Variants in LIPC observed in about 807,000 individuals in gnomAD.
LIPC encodes the protein lipase C, hepatic type.
LIPC carries 44 observed loss-of-function variants against 50.7 expected under a neutral mutation model. The ratio of observed to expected loss-of-function variants is 0.87; its 90% CI spans 0.68 to 1.11. LIPC has a LOEUF of 1.11. Among genes scored for constraint, LIPC ranks in the 50% most tolerant of loss-of-function variants. The pLI is 0.00. For missense variants in LIPC, 697 were observed against 648.2 expected (o/e 1.08, Z -0.82); for synonymous variants, 271 against 256.4 (o/e 1.06, Z -0.54).
chr15:58,490,751 C>T (rs1376994402), intron 1 of LIPC, among the ~76,000 whole-genome samples: 2 of 152,204 alleles, frequency 1.3e-5, no homozygotes, highest in Non-Finnish European at 1.5e-5. Flanking sequence ...TGATTTGTCT[C>T]CCAGGCGACA....
At chr15:58,454,649 G>C (rs1289179177) in intron 1 of LIPC, 2 of 152,272 alleles carry the variant, frequency 1.3e-5, no homozygotes, top group Non-Finnish European at 2.9e-5. Flanking sequence ...AACAGGTGGG[G>C]TTGGGGCCTC....
intron 8 of LIPC, chr15:58,565,304 C>G (rs1315662719): frequency 6.5e-6 from 10 of 1,535,372 alleles, no homozygotes; most frequent in Non-Finnish European, 7.8e-6. Context: ...TGCCCAGATG[C>G]TCTTAGCTGG....
intron 1 of LIPC, among the ~76,000 whole-genome samples, chr15:58,446,677 T>C (rs923045261): frequency 2.6e-5 from 4 of 152,080 alleles, no homozygotes; most frequent in African/African-American, 4.8e-5. Flanking sequence ...CCCAGCTATC[T>C]GCTTGCACAC....
intron 1 of LIPC, among the ~76,000 whole-genome samples, chr15:58,520,112 G>GTT (rs10631480): frequency 0.026 from 3,182 of 123,352 alleles, 231 homozygotes; most frequent in African/African-American, 0.085. Flanking sequence ...GTTTTGGGCT[G>GTT]TTTTTTTTTT....
chr15:58,541,110 A>G (rs1301498851), intron 2 of LIPC, among the ~76,000 whole-genome samples: 1 of 151,926 alleles, frequency 6.6e-6, no homozygotes, highest in Non-Finnish European at 1.5e-5. Context: ...CCCCACCCAT[A>G]TTCGTCTTAC....
At chr15:58,482,648 C>G (rs565031092) in intron 1 of LIPC, among the ~76,000 whole-genome samples, 32 of 152,322 alleles carry the variant, frequency 2.1e-4, no homozygotes, top group Non-Finnish European at 4.3e-4. Context: ...CCTCACTGAG[C>G]AGTGTTCCTG....
intron 1 of LIPC, among the ~76,000 whole-genome samples, chr15:58,527,384 T>G (rs1242465018): frequency 6.6e-6 from 1 of 152,200 alleles, no homozygotes; most frequent in Non-Finnish European, 1.5e-5. Context: ...ACAGGGTGCA[T>G]GCTGCAGCCA....
chr15:58,487,076 G>T (rs972577836), intron 1 of LIPC, among the ~76,000 whole-genome samples: 1 of 152,164 alleles, frequency 6.6e-6, no homozygotes, highest in Non-Finnish European at 1.5e-5. Context: ...CATGCAACCT[G>T]GTCCCTAAAC....
chr15:58,535,138 C>T (rs1476571501), intron 1 of LIPC, among the ~76,000 whole-genome samples: 2 of 152,200 alleles, frequency 1.3e-5, no homozygotes, highest in Admixed American at 6.5e-5. Context: ...TTCTCTCGAC[C>T]TCTTCCCTAA....
rs548575598 is a variant in LIPC, at chr15:58,458,186, G to A, written c.88+26066G>A. Among the ~76,000 whole-genome samples the A allele has an allele frequency of 2.7e-5, 4 of 150,192 alleles. No homozygotes were observed. The East Asian group carries it at 5.8e-4, about 22-fold the overall frequency. On this transcript the variant is annotated intron_variant, in intron 1 of 8. Transcript: ENST00000299022. ...AAATTGCTGGAGAAAAAAAAAAAATGTAAGTCCATATATTCTGTACTGTGT... is the reference window on the plus strand; with the variant it reads ...AAATTGCTGGAGAAAAAAAAAAAATATAAGTCCATATATTCTGTACTGTGT...
At chr15:58,457,201 C>A (rs761498995) in intron 1 of LIPC, among the ~76,000 whole-genome samples, 2 of 152,202 alleles carry the variant, frequency 1.3e-5, no homozygotes, top group East Asian at 3.9e-4. Context: ...CCTCCACCTC[C>A]CGGGTTCAAG....
intron 1 of LIPC, among the ~76,000 whole-genome samples, chr15:58,463,634 T>C (rs532848138): frequency 3.7e-4 from 56 of 152,296 alleles, no homozygotes; most frequent in African/African-American, 1.0e-3. Flanking sequence ...CATCAGGTCT[T>C]TTCTGTGTCC....
Position 58,560,776 on chromosome 15 carries a change from T to A in LIPC, c.1052-88T>A, listed in dbSNP as rs1328326215. On this transcript the variant is annotated intron_variant, in intron 6 of 8. Transcript: ENST00000299022. Reference sequence around the variant, plus strand: ...ATCTATCCAAACTCTTCCCTCTGCATGTTTAAATTTTAAGAAATAAGAGAT... The same window carrying A: ...ATCTATCCAAACTCTTCCCTCTGCAAGTTTAAATTTTAAGAAATAAGAGAT... 4 of 707,576 alleles carry A rather than the reference T, an allele frequency of 5.7e-6. No homozygotes were observed. In the East Asian group the frequency reaches 1.1e-4, roughly 19 times the overall value. 43.8% of individuals were successfully genotyped at this position (707,576 alleles called of 1,614,324 possible).
intron 1 of LIPC, among the ~76,000 whole-genome samples, chr15:58,489,314 T>C (rs1184465553): frequency 3.3e-5 from 5 of 150,196 alleles, no homozygotes; most frequent in Non-Finnish European, 1.5e-5. Flanking sequence ...ATTCGCTGCA[T>C]AGACAAAACC....
intron 1 of LIPC, among the ~76,000 whole-genome samples, chr15:58,512,709 C>A (rs1460855879): frequency 6.6e-6 from 1 of 152,112 alleles, no homozygotes; most frequent in Admixed American, 6.5e-5. Context: ...CAGACAGAGG[C>A]GCCCTGGGAT....
In LIPC at chr15:58,478,485, G is replaced by A. The variant is rs538822272; in HGVS notation, c.88+46365G>A. ...AGCTCCTGACCTCAAGTGATCCACC[G>A]ATCTTGGCCTCCCGAAAGTGCTAGG... On this transcript the variant is annotated intron_variant, in intron 1 of 8. Transcript: ENST00000299022. 6.6e-5 allele frequency among the ~76,000 whole-genome samples: 10 copies of A among 152,124 alleles called. No individual in the cohort carries two copies. The East Asian group carries it at 9.7e-4, about 15-fold the overall frequency.
chr15:58,432,305 T>C (rs1893151009), intron 1 of LIPC, 185 bp downstream of exon 1: 4 of 632,824 alleles, frequency 6.3e-6, no homozygotes, highest in Non-Finnish European at 1.1e-5. Flanking sequence ...AATGAAATTT[T>C]AGAAAATCAT....
intron 1 of LIPC, among the ~76,000 whole-genome samples, chr15:58,477,791 T>C (rs1330070197): frequency 1.3e-5 from 2 of 152,056 alleles, no homozygotes; most frequent in Admixed American, 1.3e-4. Flanking sequence ...AAATACTTGA[T>C]CTCCAGGGAA....
chr15:58,504,373 A>G (rs761064372), intron 1 of LIPC, among the ~76,000 whole-genome samples: 1 of 152,248 alleles, frequency 6.6e-6, no homozygotes, highest in Non-Finnish European at 1.5e-5. Flanking sequence ...CATTCAGAAA[A>G]GATGCTTTTT....
Sources: gnomAD v4.1 joint callset for allele counts (sites outside exome capture counted in the v4.1 genomes callset) on GRCh38, gnomAD v4.1.1 for gene constraint, MANE v1.5 for transcripts, NCBI Gene and HGNC (gene_info 2026-07-23, HGNC 2026-07-21) for gene names.